Variants in HMGB1 observed in about 807,000 individuals in gnomAD.
HMGB1 encodes the protein high mobility group protein B1.
For missense variants in HMGB1, 79 were observed against 253.5 expected (o/e 0.31, Z 4.67); for synonymous variants, 81 against 84.0 (o/e 0.96, Z 0.19).
chr13:30,600,270 G>A (rs1950386263), intron 1 of HMGB1, among the ~76,000 whole-genome samples: 1 of 152,190 alleles, frequency 6.6e-6, no homozygotes, highest in Non-Finnish European at 1.5e-5. Flanking sequence ...GGGTAGAACA[G>A]CTCAGATCAC....
chr13:30,581,121 C>T (rs1257803966), intron 1 of HMGB1, among the ~76,000 whole-genome samples: 1 of 152,108 alleles, frequency 6.6e-6, no homozygotes, highest in South Asian at 2.1e-4. Flanking sequence ...AGCAGACTTA[C>T]AGCAGTAGGT....
chr13:30,608,625 G>T (rs1292808095), intron 1 of HMGB1, among the ~76,000 whole-genome samples: 1 of 152,214 alleles, frequency 6.6e-6, no homozygotes, highest in Non-Finnish European at 1.5e-5. Context: ...GGATTTGGCT[G>T]ACTGAAGAGG....
chr13:30,617,111 C>T (rs1950573585), exon 1 of HMGB1: 2 of 152,270 alleles, frequency 1.3e-5, no homozygotes, highest in Non-Finnish European at 2.9e-5. Context: ...GAAGTTAAAA[C>T]AAGGCAGGGC....
At position 30,535,932 on chromosome 13, in the gene HMGB1, G is replaced by A. The variant is rs117685428; in HGVS notation, c.-14-72238C>T. Among the ~76,000 whole-genome samples, 80 of 152,228 alleles carry A rather than the reference G, an allele frequency of 5.3e-4. 2 individuals are homozygous for A. The East Asian group carries it at 0.014, about 27-fold the overall frequency. Reference sequence around the variant, plus strand: ...AAAAATAAACCTATTTTCTGCTCACGATTAAGACAGGAATATAGGCAAAAG... The same window carrying A: ...AAAAATAAACCTATTTTCTGCTCACAATTAAGACAGGAATATAGGCAAAAG... On this transcript the variant is annotated intron_variant, in intron 1 of 4. Coordinates refer to the HMGB1 transcript ENST00000405805.
intron 1 of HMGB1, among the ~76,000 whole-genome samples, chr13:30,539,156 C>CAA (rs1868742716): frequency 6.6e-6 from 1 of 152,240 alleles, no homozygotes; most frequent in Admixed American, 6.5e-5. Context: ...CTCAGCCTCC[C>CAA]AAAGTGCTGG....
At chr13:30,537,775 T>G (rs1286582409) in intron 1 of HMGB1, among the ~76,000 whole-genome samples, 1 of 149,788 alleles carries the variant, frequency 6.7e-6, no homozygotes, top group Non-Finnish European at 1.5e-5. Flanking sequence ...AGGGCTGTCA[T>G]AAATGTTTCT....
chr13:30,508,378 G>A (rs1887916636), intron 1 of HMGB1, among the ~76,000 whole-genome samples: 1 of 152,012 alleles, frequency 6.6e-6, no homozygotes. Flanking sequence ...TGGGCGTGGG[G>A]GTGTATGCCT....
chr13:30,594,599 G>T (rs4769855), intron 1 of HMGB1, among the ~76,000 whole-genome samples: 75,955 of 151,938 alleles, frequency 0.5, 20,361 homozygotes, highest in African/African-American at 0.69. Flanking sequence ...ATGTTGTATA[G>T]GTAACACATT....
chr13:30,572,490 T>C (rs1870477130), intron 1 of HMGB1, among the ~76,000 whole-genome samples: 1 of 152,194 alleles, frequency 6.6e-6, no homozygotes, highest in African/African-American at 2.4e-5. Flanking sequence ...GACTTCATGA[T>C]CCATGGTAAG....
At chr13:30,607,534 T>A (rs1457312350) in intron 1 of HMGB1, among the ~76,000 whole-genome samples, 1 of 151,180 alleles carries the variant, frequency 6.6e-6, no homozygotes, top group Non-Finnish European at 1.5e-5. Flanking sequence ...TGCAGAAATG[T>A]GAGTCAATTA....
chr13:30,499,234 A>G (rs1887682723), intron 1 of HMGB1, among the ~76,000 whole-genome samples: 1 of 152,060 alleles, frequency 6.6e-6, no homozygotes, highest in African/African-American at 2.4e-5. Flanking sequence ...ATTGGCTCAC[A>G]CTTACAGGTG....
intron 1 of HMGB1, among the ~76,000 whole-genome samples, chr13:30,498,820 G>A (rs1198295756): frequency 1.3e-5 from 2 of 151,704 alleles, no homozygotes; most frequent in South Asian, 4.2e-4. Context: ...GCTAATTTCT[G>A]TATTTTTAGT....
chr13:30,553,404 A>G (rs970429369), intron 1 of HMGB1, among the ~76,000 whole-genome samples: 7 of 152,206 alleles, frequency 4.6e-5, no homozygotes, highest in East Asian at 1.9e-4. Context: ...AAGTTTGCTC[A>G]TTCACTAGCC....
chr13:30,614,693 A>ATGTTTT (rs1054652742), intron 1 of HMGB1, among the ~76,000 whole-genome samples: 11 of 151,940 alleles, frequency 7.2e-5, no homozygotes, highest in African/African-American at 2.4e-4. Context: ...ACGAGTTGTC[A>ATGTTTT]TGTTTTTGTT....
At chr13:30,596,423 A>G (rs1377008859) in intron 1 of HMGB1, among the ~76,000 whole-genome samples, 1 of 152,166 alleles carries the variant, frequency 6.6e-6, no homozygotes. Context: ...AGATGCTCCA[A>G]ATGCAAAAAA....
chr13:30,580,242 A>G (rs1177121134), intron 1 of HMGB1, among the ~76,000 whole-genome samples: 1 of 152,240 alleles, frequency 6.6e-6, no homozygotes, highest in Non-Finnish European at 1.5e-5. Context: ...AGGTGTTCAA[A>G]AAGAAATATA....
intron 1 of HMGB1, among the ~76,000 whole-genome samples, chr13:30,499,858 G>A (rs1322146126): frequency 6.6e-6 from 1 of 152,194 alleles, no homozygotes; most frequent in African/African-American, 2.4e-5. Context: ...CTGGGATTTG[G>A]TTAAAGTGAA....
At chr13:30,582,493 C>T (rs1403892330) in intron 1 of HMGB1, among the ~76,000 whole-genome samples, 1 of 151,980 alleles carries the variant, frequency 6.6e-6, no homozygotes, top group Non-Finnish European at 1.5e-5. Flanking sequence ...AAAAAATTAA[C>T]CGGGCGTGGT....
chr13:30,571,292 G>T (rs867150806), intron 1 of HMGB1, among the ~76,000 whole-genome samples: 64 of 135,472 alleles, frequency 4.7e-4, no homozygotes, highest in South Asian at 2.6e-3. Context: ...CAAAAAAATG[G>T]TTTTTTTTTT....
Sources: gnomAD v4.1 joint callset for allele counts (sites outside exome capture counted in the v4.1 genomes callset) on GRCh38, gnomAD v4.1.1 for gene constraint, MANE v1.5 for transcripts, NCBI Gene and HGNC (gene_info 2026-07-23, HGNC 2026-07-21) for gene names.